The following IL1RAPL2 variants were observed in gnomAD, a reference collection of about 807,000 sequenced individuals.
IL1RAPL2 encodes the protein interleukin 1 receptor accessory protein like 2.
IL1RAPL2 carries 3 observed loss-of-function variants against 44.1 expected under a neutral mutation model. That is an observed-to-expected ratio of 0.07 (90% CI 0.03 to 0.18). IL1RAPL2 has a LOEUF of 0.18. Ranked by LOEUF, IL1RAPL2 falls within the 10% of genes least tolerant of loss-of-function variation. The pLI is 1.00. For synonymous variants in IL1RAPL2, 181 were observed against 178.8 expected, an observed-to-expected ratio of 1.01 and a Z score of -0.10; for missense variants, 391 against 496.4, an observed-to-expected ratio of 0.79 and a Z score of 2.02.
chrX:104,600,461 A>C (rs1329201182), intron 1 of IL1RAPL2, among the ~76,000 whole-genome samples: 1 of 111,593 alleles, frequency 9.0e-6, no homozygotes, highest in African/African-American at 3.3e-5. Flanking sequence ...CAGTTAACCT[A>C]GGTTTTAGAT....
At chrX:104,660,200 A>C (rs1930363451) in intron 2 of IL1RAPL2, among the ~76,000 whole-genome samples, 1 of 111,428 alleles carries the variant, frequency 9.0e-6, no homozygotes, top group Non-Finnish European at 1.9e-5. Context: ...TCTCCAGCTC[A>C]GCATATCATT....
chrX:105,073,350 C>T (rs944724132), intron 2 of IL1RAPL2, among the ~76,000 whole-genome samples: 22 of 106,485 alleles, frequency 2.1e-4, no homozygotes, highest in Admixed American at 1.1e-3. Flanking sequence ...CAGCTTCATC[C>T]GTGTCCCTAC....
rs1047084571 is a variant in IL1RAPL2, at chrX:105,252,364, T to G, written c.544-15024T>G. Among the ~76,000 whole-genome samples the G allele has an allele frequency of 5.4e-5, 6 of 111,891 alleles. No individual in the cohort carries two copies. The Admixed American group carries it at 5.7e-4, about 11-fold the overall frequency. On this transcript the variant is annotated intron_variant, in intron 4 of 10. Coordinates refer to ENST00000372582, the MANE Select transcript of IL1RAPL2 (RefSeq NM_017416.2). The stretch of plus-strand genomic sequence containing the variant: ...ATTTGGATTGTTGCCATTTTTTGAT[T>G]AGGAATAAAACTGTTACAAGCATTG...
intron 1 of IL1RAPL2, among the ~76,000 whole-genome samples, chrX:104,615,033 G>A (rs974540666): frequency 4.5e-5 from 5 of 111,107 alleles, no homozygotes; most frequent in Non-Finnish European, 7.5e-5. Flanking sequence ...GAAGTTTTTA[G>A]CTGGTTGTTT....
At chrX:105,267,690 G>C in intron 5 of IL1RAPL2, 149 bp downstream of exon 5, 1 of 455,208 alleles carries the variant, frequency 2.2e-6, no homozygotes, top group Non-Finnish European at 3.7e-6. Flanking sequence ...TTAATAAGTT[G>C]TACTGAGTAA....
At chrX:104,810,208 G>A (rs1452903376) in intron 2 of IL1RAPL2, among the ~76,000 whole-genome samples, 2 of 109,776 alleles carry the variant, frequency 1.8e-5, no homozygotes, top group East Asian at 5.7e-4. Context: ...GGTGGGAATT[G>A]AACAATGAGA....
intron 4 of IL1RAPL2, among the ~76,000 whole-genome samples, chrX:105,243,297 GCTCT>G (rs1272331472): frequency 3.7e-5 from 4 of 108,399 alleles, no homozygotes; most frequent in Non-Finnish European, 7.7e-5. Context: ...GCACTTCCTT[GCTCT>G]CTCTCTCTCT....
At chrX:105,423,253 A>G (rs1414580343) in intron 5 of IL1RAPL2, among the ~76,000 whole-genome samples, 13 of 111,727 alleles carry the variant, frequency 1.2e-4, no homozygotes, top group Non-Finnish European at 1.9e-5. Flanking sequence ...GAAACCTAAT[A>G]TCTTAAAGGA....
chrX:104,796,246 G>A (rs917780901), intron 2 of IL1RAPL2, among the ~76,000 whole-genome samples: 13 of 112,353 alleles, frequency 1.2e-4, no homozygotes, highest in African/African-American at 4.2e-4. Context: ...AAAATGGGGT[G>A]TTTTAAAACC....
intron 7 of IL1RAPL2, 88 bp downstream of exon 7, chrX:105,717,584 C>G (rs963444834): frequency 6.7e-5 from 62 of 920,571 alleles, no homozygotes; most frequent in Non-Finnish European, 8.5e-5. Context: ...ATTCCATTCT[C>G]TAAAAGCTGA....
chrX:104,727,616 A>G (rs1354843948), intron 2 of IL1RAPL2, among the ~76,000 whole-genome samples: 2 of 111,501 alleles, frequency 1.8e-5, no homozygotes, highest in Non-Finnish European at 3.8e-5. Context: ...TCATTTGTAT[A>G]AAAAGATGTT....
Position 105,133,924 on chromosome X carries a change from C to T in IL1RAPL2, c.83-61551C>T, listed in dbSNP as rs370772228. ...TGAATTTTGAGGGGACACCCGTAGT[C>T]GGACCATAGCATTTTTATAGTATAC... On this transcript the variant is annotated intron_variant, in intron 2 of 10. Transcript: ENST00000372582. 5.4e-5 allele frequency among the ~76,000 whole-genome samples: 6 copies of T among 111,637 alleles called. No homozygotes were observed. The East Asian group carries it at 1.7e-3, about 32-fold the overall frequency.
chrX:105,416,470 G>A (rs756648313), intron 5 of IL1RAPL2, among the ~76,000 whole-genome samples: 5 of 111,975 alleles, frequency 4.5e-5, no homozygotes, highest in Non-Finnish European at 5.6e-5. Flanking sequence ...TAACGTCTCT[G>A]TCCTTCAGTA....
chrX:105,638,980 A>C (rs1164085973), intron 6 of IL1RAPL2, among the ~76,000 whole-genome samples: 1 of 112,189 alleles, frequency 8.9e-6, no homozygotes, highest in Non-Finnish European at 1.9e-5. Context: ...TTTCATCTCT[A>C]AATCTTAACT....
chrX:104,963,640 G>A (rs2030050412), intron 2 of IL1RAPL2, among the ~76,000 whole-genome samples: 1 of 111,153 alleles, frequency 9.0e-6, no homozygotes, highest in Non-Finnish European at 1.9e-5. Context: ...GGCTCAGGTA[G>A]TATACGTCCT....
At chrX:105,642,821 C>T (rs943868702) in intron 6 of IL1RAPL2, among the ~76,000 whole-genome samples, 7 of 112,554 alleles carry the variant, frequency 6.2e-5, no homozygotes, top group Admixed American at 9.4e-5. Context: ...CTATTCGTAG[C>T]TGATTATAGC....
intron 2 of IL1RAPL2, among the ~76,000 whole-genome samples, chrX:104,865,544 C>T (rs1922595339): frequency 9.0e-6 from 1 of 111,184 alleles, no homozygotes; most frequent in East Asian, 2.8e-4. Context: ...AGGGTGTTGC[C>T]AAAGGAGATT....
At chrX:105,579,812 C>T (rs1183130929) in intron 6 of IL1RAPL2, among the ~76,000 whole-genome samples, 2 of 111,295 alleles carry the variant, frequency 1.8e-5, no homozygotes, top group African/African-American at 3.3e-5. Context: ...TGCCCCAGAA[C>T]ATCAACAAGA....
At chrX:105,164,433 C>G (rs2033353999) in intron 2 of IL1RAPL2, among the ~76,000 whole-genome samples, 1 of 111,727 alleles carries the variant, frequency 9.0e-6, no homozygotes, top group Admixed American at 9.5e-5. Context: ...GTTGGTTACC[C>G]CAGGGGGACT....
Sources: gnomAD v4.1 joint callset for allele counts (sites outside exome capture counted in the v4.1 genomes callset) on GRCh38, gnomAD v4.1.1 for gene constraint, MANE v1.5 for transcripts, NCBI Gene and HGNC (gene_info 2026-07-23, HGNC 2026-07-21) for gene names.